Variants in CCSER1 observed in about 807,000 individuals in gnomAD.
CCSER1 encodes the protein coiled-coil serine rich protein 1.
A neutral mutation model predicts 82.0 loss-of-function variants in CCSER1; 41 were observed. That is an observed-to-expected ratio of 0.50 (90% CI 0.39 to 0.65). The LOEUF (loss-of-function observed/expected upper bound fraction) is 0.65. Ranked by LOEUF, CCSER1 falls within the 30% of genes least tolerant of loss-of-function variation. The pLI is 0.00. For synonymous variants in CCSER1, 414 were observed against 383.9 expected, an observed-to-expected ratio of 1.08 and a Z score of -0.92; for missense variants, 1,119 against 1,064.2, an observed-to-expected ratio of 1.05 and a Z score of -0.72.
At chr4:91,595,902 A>T (rs1056852574) in intron 10 of CCSER1, among the ~76,000 whole-genome samples, 1 of 144,780 alleles carries the variant, frequency 6.9e-6, no homozygotes, top group African/African-American at 2.6e-5. Flanking sequence ...TCCTATGTCC[A>T]CTATGAGCTT....
chr4:91,078,376 A>G (rs1453000465), intron 9 of CCSER1, among the ~76,000 whole-genome samples: 1 of 152,238 alleles, frequency 6.6e-6, no homozygotes, highest in Non-Finnish European at 1.5e-5. Flanking sequence ...GACTGTTAGA[A>G]GGAAAAGTAA....
rs542989113 is a variant in CCSER1, at chr4:91,395,745, T to C, written c.2218-202827T>C. Among the ~76,000 whole-genome samples, 11 of 152,100 alleles carry C rather than the reference T, an allele frequency of 7.2e-5. No individual in the cohort carries two copies. The South Asian group carries it at 2.3e-3, about 32-fold the overall frequency. On this transcript the variant is annotated intron_variant, in intron 10 of 10. Transcript: ENST00000509176. ...GCTTTAAGGAATGCCAGTTAAGTAA[T>C]GGGTAAATGAGAAAGAAAAAAAAAT...
chr4:91,195,530 G>T (rs900219202), intron 10 of CCSER1, among the ~76,000 whole-genome samples: 1 of 151,924 alleles, frequency 6.6e-6, no homozygotes, highest in Non-Finnish European at 1.5e-5. Flanking sequence ...AATATAATTC[G>T]CAATTAACTG....
chr4:90,849,739 T>C (rs1285477544), intron 8 of CCSER1, among the ~76,000 whole-genome samples: 2 of 144,828 alleles, frequency 1.4e-5, no homozygotes, highest in African/African-American at 5.2e-5. Flanking sequence ...CAGTGAGCCG[T>C]GATCGTGCCA....
chr4:90,806,892 T>C lies in CCSER1; in HGVS notation c.2011-8870T>C, dbSNP rs186245960. Among the ~76,000 whole-genome samples, 19 of 152,142 alleles carry C rather than the reference T, an allele frequency of 1.2e-4. No individual in the cohort carries two copies. In the East Asian group the frequency reaches 3.7e-3, roughly 29 times the overall value. ...TTTTTTTTTTTTCTTCACATTTCCT[T>C]TCCTTTCCCTTCCTTAATAAACTTT... On this transcript the variant is annotated intron_variant, in intron 7 of 10. Coordinates refer to ENST00000509176, the MANE Select transcript of CCSER1 (RefSeq NM_001145065.2).
chr4:90,583,265 C>T (rs906951211), intron 5 of CCSER1, among the ~76,000 whole-genome samples: 1 of 152,182 alleles, frequency 6.6e-6, no homozygotes, highest in African/African-American at 2.4e-5. Flanking sequence ...CTCCCTGGTT[C>T]AAGCTATTCT....
chr4:90,491,310 C>G (rs1202892048), intron 5 of CCSER1, among the ~76,000 whole-genome samples: 1 of 152,114 alleles, frequency 6.6e-6, no homozygotes, highest in Non-Finnish European at 1.5e-5. Flanking sequence ...CATGATTTGG[C>G]TCTCTGTTGG....
In CCSER1 at chr4:90,801,903, A is replaced by AT. The variant is rs539515722; in HGVS notation, c.2011-13853dup. The stretch of plus-strand genomic sequence containing the variant: ...AATCTATGCTATTGTTTGGTAATAT[A>AT]TTTTTTAGTTCTTTAGAATATATGT... On this transcript the variant is annotated intron_variant, in intron 7 of 10. Coordinates refer to ENST00000509176, the MANE Select transcript of CCSER1 (RefSeq NM_001145065.2). Among the ~76,000 whole-genome samples, 46 of 152,240 alleles carry AT rather than the reference A, an allele frequency of 3.0e-4. No individual in the cohort carries two copies. The East Asian group carries it at 7.7e-3, about 26-fold the overall frequency.
At chr4:91,444,494 G>A (rs981622289) in intron 10 of CCSER1, among the ~76,000 whole-genome samples, 1 of 151,194 alleles carries the variant, frequency 6.6e-6, no homozygotes, top group South Asian at 2.1e-4. Flanking sequence ...CTATCACCCA[G>A]GCTGGAGTGC....
chr4:90,155,148 T>C (rs1727814137), intron 1 of CCSER1, among the ~76,000 whole-genome samples: 1 of 152,240 alleles, frequency 6.6e-6, no homozygotes, highest in South Asian at 2.1e-4. Context: ...CATGTGGTTT[T>C]TGTCTTTGGT....
At chr4:90,786,667 C>T (rs555916833) in intron 7 of CCSER1, among the ~76,000 whole-genome samples, 2 of 152,146 alleles carry the variant, frequency 1.3e-5, no homozygotes, top group South Asian at 2.1e-4. Context: ...CTCTGTTTTT[C>T]CTCTACTCTC....
chr4:90,736,912 C>A (rs999705217), intron 7 of CCSER1, among the ~76,000 whole-genome samples: 2 of 151,894 alleles, frequency 1.3e-5, no homozygotes, highest in Non-Finnish European at 2.9e-5. Flanking sequence ...CAACTTATAA[C>A]CCATTTTTTT....
intron 5 of CCSER1, among the ~76,000 whole-genome samples, chr4:90,530,807 G>A (rs989944415): frequency 3.9e-5 from 6 of 152,134 alleles, no homozygotes; most frequent in Non-Finnish European, 7.4e-5. Context: ...CCTGGCTTCT[G>A]CAGCTATTTC....
chr4:90,910,903 AGAATAT>A (rs1246740329), intron 8 of CCSER1, among the ~76,000 whole-genome samples: 4 of 152,250 alleles, frequency 2.6e-5, no homozygotes, highest in Non-Finnish European at 5.9e-5. Context: ...TCCCAGGCCA[AGAATAT>A]GAATGAAGGC....
intron 9 of CCSER1, among the ~76,000 whole-genome samples, chr4:91,054,704 T>A: frequency 7.5e-6 from 1 of 132,974 alleles, no homozygotes; most frequent in East Asian, 2.2e-4. Context: ...GATTTGAGAT[T>A]TTTTTTTGGG....
At chr4:91,319,210 G>A (rs925855538) in intron 10 of CCSER1, 4 of 188,104 alleles carry the variant, frequency 2.1e-5, no homozygotes, top group South Asian at 8.1e-5. Flanking sequence ...TATCACCTTC[G>A]AAGCAGAATA....
chr4:90,552,982 T>G (rs1777701731), intron 5 of CCSER1, among the ~76,000 whole-genome samples: 1 of 151,870 alleles, frequency 6.6e-6, no homozygotes, highest in Non-Finnish European at 1.5e-5. Flanking sequence ...ACCATTTTTT[T>G]TTTTTTTGAG....
intron 7 of CCSER1, among the ~76,000 whole-genome samples, chr4:90,747,297 T>C (rs1456816861): frequency 6.6e-6 from 1 of 152,208 alleles, no homozygotes; most frequent in Non-Finnish European, 1.5e-5. Flanking sequence ...TTTTCCTAGA[T>C]GCAGGCAAAA....
intron 10 of CCSER1, among the ~76,000 whole-genome samples, chr4:91,567,274 A>G (rs1016226880): frequency 4.0e-5 from 6 of 151,868 alleles, no homozygotes; most frequent in African/African-American, 1.2e-4. Flanking sequence ...TTTCTTTTAC[A>G]TTTGTTGAGG....
Sources: allele counts gnomAD v4.1 joint callset (sites outside exome capture counted in the v4.1 genomes callset), GRCh38; gene constraint gnomAD v4.1.1; transcripts MANE v1.5; gene names NCBI Gene and HGNC (gene_info 2026-07-23, HGNC 2026-07-21).